The following USP49 variants were observed in gnomAD, a reference collection of about 807,000 sequenced individuals.
The protein encoded by USP49 is ubiquitin specific peptidase 49.
USP49 carries 24 observed loss-of-function variants against 58.6 expected under a neutral mutation model. That is an observed-to-expected ratio of 0.41 (90% CI 0.30 to 0.58). The LOEUF (loss-of-function observed/expected upper bound fraction) is 0.58, where lower values mean the gene tolerates loss of function less well. USP49 is among the 20% of genes least tolerant of loss of function. The pLI is 0.30. For synonymous variants in USP49, 408 were observed against 365.1 expected (o/e 1.12, Z -1.34); for missense variants, 703 against 866.1 (o/e 0.81, Z 2.36).
chr6:41,804,104 T>C (rs1469045085), intron 4 of USP49, 94 bp from the exon 5 acceptor site: 8 of 1,109,718 alleles, frequency 7.2e-6, no homozygotes, highest in Non-Finnish European at 1.0e-5. Flanking sequence ...TTATCAAAAC[T>C]AAGTGTATAA....
Position 41,796,242 on chromosome 6 carries a change from C to A in USP49, c.*291G>T. 2 of 298,982 alleles carry A rather than the reference C, an allele frequency of 6.7e-6. No individual in the cohort carries two copies. The highest frequency in any genetic ancestry group is 6.3e-6 in the Non-Finnish European group (1 of 157,700). 18.5% of individuals were successfully genotyped at this position (298,982 alleles called of 1,614,324 possible). On this transcript the variant is annotated 3_prime_UTR_variant, in exon 8 of 8. Coordinates refer to ENST00000682992, the MANE Select transcript of USP49 (RefSeq NM_001286554.2). ...CCTGTGTGGATATGATTGATTTACC[C>A]CCCCGCCCCGCTTTCCTCCACCCAG...
intron 3 of USP49, among the ~76,000 whole-genome samples, chr6:41,843,710 C>T (rs1333133406): frequency 2.0e-5 from 3 of 152,014 alleles, no homozygotes; most frequent in Non-Finnish European, 2.9e-5. Flanking sequence ...GAGTTCCAGA[C>T]AAGCCTGGGC....
intron 3 of USP49, among the ~76,000 whole-genome samples, chr6:41,843,066 A>G (rs957033356): frequency 1.3e-5 from 2 of 152,000 alleles, no homozygotes; most frequent in Non-Finnish European, 2.9e-5. Flanking sequence ...GTGCCACTGC[A>G]CCCAGCCATC....
At chr6:41,894,948 C>A (rs1241955193) in intron 1 of USP49, among the ~76,000 whole-genome samples, 2 of 151,730 alleles carry the variant, frequency 1.3e-5, no homozygotes, top group Non-Finnish European at 1.5e-5. Flanking sequence ...CCCTTCAACG[C>A]TTTTGCCCCA....
chr6:41,837,162 A>C (rs1199001401), intron 3 of USP49, among the ~76,000 whole-genome samples: 1 of 152,234 alleles, frequency 6.6e-6, no homozygotes, highest in East Asian at 1.9e-4. Flanking sequence ...CGCAATCATA[A>C]GCAAAAGAAC....
intron 3 of USP49, among the ~76,000 whole-genome samples, chr6:41,809,250 C>T (rs959761809): frequency 2.0e-5 from 3 of 148,770 alleles, no homozygotes; most frequent in Admixed American, 6.7e-5. Flanking sequence ...AGGCCAGGTG[C>T]GGTGGCTCAT....
In USP49 at chr6:41,800,351, G is replaced by A. The variant is rs1210773258; in HGVS notation, c.1562-413C>T. On this transcript the variant is annotated intron_variant, in intron 5 of 7. Coordinates refer to ENST00000682992, the MANE Select transcript of USP49 (RefSeq NM_001286554.2). ...CTGATGACCATGCAGCCACCATGCTGGCCCTGAATGTCCTTCAGACTTGTT... is the reference window on the plus strand; with the variant it reads ...CTGATGACCATGCAGCCACCATGCTAGCCCTGAATGTCCTTCAGACTTGTT... Among the ~76,000 whole-genome samples the A allele has an allele frequency of 3.3e-5, 5 of 152,180 alleles. No homozygotes were observed. In the South Asian group the frequency reaches 1.0e-3, roughly 32 times the overall value.
rs1379472143 is a variant in USP49, at chr6:41,795,583, GGCTAAGAAGCTGCAT to G, written c.*935_*949del. On this transcript the variant is annotated 3_prime_UTR_variant, in exon 8 of 8. Transcript: ENST00000682992. ...CTCCAGGAGCAAGAAAGAAGCTGCA[GGCTAAGAAGCTGCAT>G]GCCGCACTGAAGTGAGAACGGGTGA... 1.3e-5 allele frequency: 2 copies of G among 152,226 alleles called. No homozygotes were observed. The highest frequency in any genetic ancestry group is 2.9e-5 in the Non-Finnish European group (2 of 68,050). The allele number at this position is 152,226 out of a possible 1,614,324, so 9.4% of individuals were successfully genotyped here. A position where few individuals can be genotyped will look rare whatever the true frequency, so the allele number is the denominator to read the frequency against.
intron 3 of USP49, among the ~76,000 whole-genome samples, chr6:41,856,001 T>C (rs923890386): frequency 1.3e-5 from 2 of 151,568 alleles, no homozygotes; most frequent in East Asian, 1.9e-4. Flanking sequence ...TGAGCTGAGA[T>C]AGTGCCACTG....
intron 3 of USP49, among the ~76,000 whole-genome samples, chr6:41,833,404 AATAAAT>A (rs2127343228): frequency 6.6e-6 from 1 of 152,280 alleles, no homozygotes; most frequent in Non-Finnish European, 1.5e-5. Context: ...ACTCACTAAG[AATAAAT>A]ATAATCAAAT....
Position 41,848,581 on chromosome 6 carries a change from G to A in USP49, c.-29+22983C>T, listed in dbSNP as rs533387992. Among the ~76,000 whole-genome samples the A allele has an allele frequency of 5.3e-5, 8 of 151,908 alleles. No homozygotes were observed. In the East Asian group the frequency reaches 1.2e-3, roughly 22 times the overall value. On this transcript the variant is annotated intron_variant, in intron 3 of 7. Coordinates refer to ENST00000682992, the MANE Select transcript of USP49 (RefSeq NM_001286554.2). ...TGGAGAAATAGGGTCTTCCCTGGCC[G>A]GGTGCAGTGGCTCACACCTGTAATC...
chr6:41,863,514 A>C (rs79374916), intron 3 of USP49, among the ~76,000 whole-genome samples: 2,523 of 152,306 alleles, frequency 0.017, 54 homozygotes, highest in African/African-American at 0.05. Flanking sequence ...ATTAAACAAA[A>C]ACAGCATTTT....
intron 3 of USP49, among the ~76,000 whole-genome samples, chr6:41,810,324 A>C (rs1773232868): frequency 6.7e-6 from 1 of 148,236 alleles, no homozygotes. Context: ...CTACTAAAAA[A>C]AAAAACACAA....
At chr6:41,802,466 TTA>T (rs1403568727) in intron 5 of USP49, among the ~76,000 whole-genome samples, 86 of 84,342 alleles carry the variant, frequency 1.0e-3, no homozygotes, top group East Asian at 1.3e-3. Context: ...ATTTATTTAT[TTA>T]TTTTTTATTT....
In USP49 at chr6:41,799,930, G is replaced by C; in HGVS notation, c.1570C>G (p.Arg524Gly). The change falls in exon 6 of 8, where the codon CGA becomes GGA. Residue 524 changes from arginine to glycine, a missense_variant. Around this residue, in one of 6 missense-constraint regions of USP49, gnomAD observed 158 missense variants for 241.2 expected, o/e 0.66. Coordinates refer to ENST00000682992, the MANE Select transcript of USP49 (RefSeq NM_001286554.2). ...YACDQCNSKR[R>G]KSNPKPLVLS... ...ACAAGGGGTTTGGGATTGGATTTTC[G>C]TCGTTTGCCTATGTGGTTTGGGAAG... 6.2e-7 allele frequency: 1 copy of C among 1,614,002 alleles called. No homozygotes were observed. Among genetic ancestry groups the C allele is most frequent in the Non-Finnish European group, 8.5e-7 (1 of 1,179,904 alleles).
chr6:41,845,211 G>A (rs1035380786), intron 3 of USP49, among the ~76,000 whole-genome samples: 5 of 151,508 alleles, frequency 3.3e-5, no homozygotes, highest in South Asian at 2.1e-4. Flanking sequence ...TTTCTGTTAC[G>A]TTTTTACATG....
At chr6:41,875,281 T>G (rs1004435512) in intron 2 of USP49, among the ~76,000 whole-genome samples, 1 of 152,128 alleles carries the variant, frequency 6.6e-6, no homozygotes, top group African/African-American at 2.4e-5. Context: ...AAGAGAATAT[T>G]AATACATTTA....
At chr6:41,833,938 A>G (rs1472326645) in intron 3 of USP49, among the ~76,000 whole-genome samples, 1 of 152,254 alleles carries the variant, frequency 6.6e-6, no homozygotes, top group African/African-American at 2.4e-5. Context: ...AATGTTGGTA[A>G]AGTGAGCACA....
chr6:41,831,761 A>C (rs1022411275), intron 3 of USP49, among the ~76,000 whole-genome samples: 3 of 152,340 alleles, frequency 2.0e-5, no homozygotes, highest in African/African-American at 7.2e-5. Context: ...TCTGTATGAT[A>C]AAGTCCAAGT....
Sources: allele counts gnomAD v4.1 joint callset (sites outside exome capture counted in the v4.1 genomes callset), GRCh38; gene constraint gnomAD v4.1.1; regional missense constraint gnomAD v4.1.1; transcripts MANE v1.5; gene names NCBI Gene and HGNC (gene_info 2026-07-23, HGNC 2026-07-21).